TENM2: variants seen among roughly 807,000 people sequenced by gnomAD.
TENM2 encodes the protein teneurin-2.
In TENM2, 52 loss-of-function variants were observed where a neutral mutation model predicts 245.2. The observed-to-expected ratio is 0.21, with a 90% CI of 0.17 to 0.27. TENM2 has a LOEUF of 0.27. Among genes scored for constraint, TENM2 ranks in the 10% least tolerant of loss-of-function variants. TENM2 has a pLI of 1.00. For missense variants in TENM2, 3,046 were observed against 3,666.8 expected (o/e 0.83, Z 4.37); for synonymous variants, 1,363 against 1,438.9 (o/e 0.95, Z 1.19).
chr5:167,171,807 G>A, the TENM2 span, among the ~76,000 whole-genome samples: 1 of 152,182 alleles, frequency 6.6e-6, no homozygotes, highest in Non-Finnish European at 1.5e-5. Flanking sequence ...TCCATTGGCT[G>A]AATCAATAAG....
chr5:167,345,405 A>G (rs538546601), intron 1 of TENM2, among the ~76,000 whole-genome samples: 167 of 152,374 alleles, frequency 1.1e-3, no homozygotes, highest in Non-Finnish European at 2.1e-3. Flanking sequence ...TCAATCATAC[A>G]TCATTTACGC....
At chr5:167,847,809 C>G (rs1242575198) in intron 2 of TENM2, among the ~76,000 whole-genome samples, 1 of 152,210 alleles carries the variant, frequency 6.6e-6, no homozygotes, top group Non-Finnish European at 1.5e-5. Context: ...ACATATTAAT[C>G]TGTGTCTCAT....
intron 4 of TENM2, among the ~76,000 whole-genome samples, chr5:167,953,942 C>G (rs781348047): frequency 1.3e-5 from 2 of 151,990 alleles, no homozygotes; most frequent in Non-Finnish European, 2.9e-5. Flanking sequence ...TCACTCCAAA[C>G]TTTTAATTTT....
the TENM2 span, among the ~76,000 whole-genome samples, chr5:167,236,651 C>T: frequency 2.3e-4 from 35 of 152,218 alleles, no homozygotes; most frequent in East Asian, 5.4e-3. Flanking sequence ...CAGGGAAGGC[C>T]GCAGGAGGGC....
chr5:167,502,820 A>G (rs958371832), intron 2 of TENM2, among the ~76,000 whole-genome samples: 3 of 152,134 alleles, frequency 2.0e-5, no homozygotes, highest in East Asian at 3.9e-4. Flanking sequence ...TCCTGTGTCA[A>G]TTCTAAAGCC....
intron 2 of TENM2, among the ~76,000 whole-genome samples, chr5:167,722,304 A>G (rs1404879932): frequency 6.6e-6 from 1 of 152,210 alleles, no homozygotes; most frequent in Admixed American, 6.5e-5. Context: ...GCAGCATATC[A>G]AACCAGGCAA....
intron 2 of TENM2, among the ~76,000 whole-genome samples, chr5:167,614,837 C>A (rs1318763711): frequency 1.3e-5 from 2 of 152,126 alleles, no homozygotes; most frequent in Non-Finnish European, 2.9e-5. Flanking sequence ...TCTTAAATCA[C>A]ATCAATCCCG....
chr5:167,115,098 G>A, the TENM2 span, among the ~76,000 whole-genome samples: 10 of 152,252 alleles, frequency 6.6e-5, no homozygotes, highest in South Asian at 6.2e-4. Context: ...AAGATCATAC[G>A]TTTAAAAATA....
chr5:167,346,426 C>T (rs1758460974), intron 1 of TENM2, among the ~76,000 whole-genome samples: 1 of 152,166 alleles, frequency 6.6e-6, no homozygotes, highest in South Asian at 2.1e-4. Context: ...TATTAATAAA[C>T]ATATGATTTA....
chr5:167,264,758 C>T, the TENM2 span, among the ~76,000 whole-genome samples: 1 of 152,106 alleles, frequency 6.6e-6, no homozygotes, highest in African/African-American at 2.4e-5. Flanking sequence ...TTTTTTCTAT[C>T]TGAATAATAT....
chr5:167,689,312 G>C (rs942815524), intron 2 of TENM2, among the ~76,000 whole-genome samples: 2 of 152,208 alleles, frequency 1.3e-5, no homozygotes, highest in Admixed American at 1.3e-4. Flanking sequence ...TGGAGCCCCA[G>C]TTGCCCATCC....
chr5:167,914,171 A>G (rs1271337641), intron 3 of TENM2, among the ~76,000 whole-genome samples: 1 of 152,170 alleles, frequency 6.6e-6, no homozygotes, highest in Non-Finnish European at 1.5e-5. Context: ...ACTTCCCTGC[A>G]ATAGTTTTCT....
the TENM2 span, among the ~76,000 whole-genome samples, chr5:166,997,340 T>C: frequency 6.6e-6 from 1 of 152,176 alleles, no homozygotes; most frequent in African/African-American, 2.4e-5. Flanking sequence ...ATGAGTTTAT[T>C]ATATTAACCT....
At chr5:167,422,410 C>A (rs1459807605) in intron 2 of TENM2, among the ~76,000 whole-genome samples, 1 of 152,106 alleles carries the variant, frequency 6.6e-6, no homozygotes, top group African/African-American at 2.4e-5. Context: ...AAGCCGTGAG[C>A]TTTTAGGAAC....
chr5:167,337,241 G>T (rs1757832435), intron 1 of TENM2, among the ~76,000 whole-genome samples: 1 of 148,810 alleles, frequency 6.7e-6, no homozygotes, highest in Non-Finnish European at 1.5e-5. Context: ...GCAGGGACAA[G>T]AAAAATGAAA....
chr5:167,297,530 G>A lies in TENM2; in HGVS notation c.226+12467G>A, dbSNP rs1007648131. 5.9e-5 allele frequency: 9 copies of A among 152,196 alleles called. No individual in the cohort carries two copies. In the East Asian group the frequency reaches 1.5e-3, roughly 26 times the overall value. The allele number at this position is 152,196 out of a possible 1,614,324, so 9.4% of individuals were successfully genotyped here. On this transcript the variant is annotated intron_variant, in intron 1 of 28. Coordinates refer to ENST00000518659, the Ensembl canonical transcript of TENM2. ...ATCCAACGTCTTCAAAGTCAAAGCA[G>A]TAATGATGAATCTGGACCTACTATT... is the stretch of plus-strand genomic sequence containing the variant.
intron 3 of TENM2, among the ~76,000 whole-genome samples, chr5:167,913,072 A>G (rs144849618): frequency 2.5e-4 from 38 of 152,274 alleles, no homozygotes; most frequent in Middle Eastern, 6.8e-3. Context: ...AGAGAAAAAA[A>G]ACTATGCAGC....
the TENM2 span, among the ~76,000 whole-genome samples, chr5:167,075,792 A>G: frequency 1.3e-5 from 2 of 152,290 alleles, no homozygotes; most frequent in South Asian, 4.1e-4. Context: ...TCCTCCTGCT[A>G]ACTGCCTGGC....
intron 2 of TENM2, among the ~76,000 whole-genome samples, chr5:167,443,054 G>A (rs1365862534): frequency 6.6e-6 from 1 of 152,140 alleles, no homozygotes; most frequent in Non-Finnish European, 1.5e-5. Flanking sequence ...TGCACAAAAG[G>A]TCACACTGAT....
Sources: allele counts gnomAD v4.1 joint callset (sites outside exome capture counted in the v4.1 genomes callset), GRCh38; gene constraint gnomAD v4.1.1; transcripts MANE v1.5; gene names NCBI Gene and HGNC (gene_info 2026-07-23, HGNC 2026-07-21).